The following DOCK4 variants were observed in gnomAD, a reference collection of about 807,000 sequenced individuals.
DOCK4 encodes the protein dedicator of cytokinesis protein 4.
Under a neutral mutation model 268.1 loss-of-function variants are expected in DOCK4, and 97 were observed. That is an observed-to-expected ratio of 0.36 (90% CI 0.31 to 0.43). The LOEUF (loss-of-function observed/expected upper bound fraction) is 0.43. DOCK4 is among the 20% of genes least tolerant of loss of function. The pLI, the probability that DOCK4 is intolerant of heterozygous loss-of-function variation, is 1.00. For synonymous variants in DOCK4, 954 were observed against 887.2 expected (o/e 1.08, Z -1.34); for missense variants, 2,145 against 2,455.7 (o/e 0.87, Z 2.67).
chr7:111,834,626 G>T lies in DOCK4; in HGVS notation c.2797C>A (p.Gln933Lys). Residue 933 changes from glutamine to lysine, a missense_variant, in exon 26 of 53, where the codon CAG (glutamine) becomes AAG (lysine). Gln to Lys is a moderately conservative substitution (Grantham distance 53). This residue lies in a region of DOCK4 where 1,598 missense variants were observed against 1,986.7 expected (regional missense o/e 0.80). Coordinates refer to ENST00000428084, the MANE Select transcript of DOCK4 (RefSeq NM_001363540.2). ...TTTGTATTAAAACTATCAAGAAGCT[G>T]TTGATAATGTCTATCTGTCATTTGT... ...LRQMTDRHYQ[Q>K]LLDSFNTKEE... The T allele has an allele frequency of 6.4e-7, 1 of 1,558,816 alleles. No individual in the cohort carries two copies. The highest frequency in any genetic ancestry group is 8.7e-7 in the Non-Finnish European group (1 of 1,150,608).
Position 111,911,428 on chromosome 7 carries a change from C to T in DOCK4, c.1192+4351G>A, listed in dbSNP as rs1792090996. Among the ~76,000 whole-genome samples, 4 of 152,038 alleles carry T rather than the reference C, an allele frequency of 2.6e-5. No homozygotes were observed. The South Asian group carries it at 6.2e-4, about 24-fold the overall frequency. On this transcript the variant is annotated intron_variant, in intron 13 of 52. Transcript: ENST00000428084. ...TTTCAGTTGTTTAAGGAAATACACA[C>T]ATCTCTCCCTTTTCTATTATGGAAG... is the stretch of plus-strand genomic sequence containing the variant.
At chr7:112,155,639 C>T (rs143866344) in intron 1 of DOCK4, among the ~76,000 whole-genome samples, 250 of 152,276 alleles carry the variant, frequency 1.6e-3, no homozygotes, top group African/African-American at 5.8e-3. Context: ...TCTTCCCCTC[C>T]TTCAGTTAGG....
At chr7:111,961,380 G>A (rs1315286086) in intron 8 of DOCK4, among the ~76,000 whole-genome samples, 2 of 152,114 alleles carry the variant, frequency 1.3e-5, no homozygotes, top group East Asian at 3.9e-4. Context: ...ACACTCAAAG[G>A]GTCTCGGACA....
intron 1 of DOCK4, among the ~76,000 whole-genome samples, chr7:112,016,792 A>C (rs1801846998): frequency 6.6e-6 from 1 of 152,332 alleles, no homozygotes; most frequent in African/African-American, 2.4e-5. Flanking sequence ...GTGAAATTTC[A>C]AGTGTTTCAG....
chr7:112,103,534 G>A (rs1057316453), intron 1 of DOCK4, among the ~76,000 whole-genome samples: 2 of 152,232 alleles, frequency 1.3e-5, no homozygotes, highest in African/African-American at 4.8e-5. Flanking sequence ...AAAATCAAAG[G>A]TTCTGTCTTG....
intron 1 of DOCK4, among the ~76,000 whole-genome samples, chr7:112,081,166 G>A (rs1342239369): frequency 1.3e-5 from 2 of 152,050 alleles, no homozygotes; most frequent in Non-Finnish European, 2.9e-5. Flanking sequence ...ATCGAAACAG[G>A]AAGAAGGAAC....
chr7:112,018,218 G>C (rs1802027790), intron 1 of DOCK4, among the ~76,000 whole-genome samples: 1 of 138,632 alleles, frequency 7.2e-6, no homozygotes, highest in Middle Eastern at 4.2e-3. Flanking sequence ...ATGTTATCTA[G>C]GAAACTAATA....
intron 1 of DOCK4, among the ~76,000 whole-genome samples, chr7:112,140,289 A>AC (rs1277836939): frequency 3.3e-5 from 5 of 151,418 alleles, no homozygotes; most frequent in African/African-American, 1.2e-4. Flanking sequence ...GGAGCCCCCA[A>AC]CCCCCACCTG....
At chr7:112,034,256 C>G (rs576993718) in intron 1 of DOCK4, among the ~76,000 whole-genome samples, 4 of 152,230 alleles carry the variant, frequency 2.6e-5, no homozygotes, top group African/African-American at 9.6e-5. Context: ...TTTTAAATAT[C>G]TTTTTAAAGG....
At chr7:112,097,573 GTT>G (rs1164950455) in intron 1 of DOCK4, among the ~76,000 whole-genome samples, 1 of 152,152 alleles carries the variant, frequency 6.6e-6, no homozygotes, top group East Asian at 1.9e-4. Context: ...AAAGACTCAG[GTT>G]GTTCCATGGG....
intron 40 of DOCK4, among the ~76,000 whole-genome samples, chr7:111,759,160 C>T (rs1235842694): frequency 6.6e-6 from 1 of 152,162 alleles, no homozygotes; most frequent in African/African-American, 2.4e-5. Flanking sequence ...GTTCATGAGA[C>T]ATCTATTAGT....
At chr7:112,029,892 G>C (rs1478874057) in intron 1 of DOCK4, among the ~76,000 whole-genome samples, 1 of 152,162 alleles carries the variant, frequency 6.6e-6, no homozygotes, top group Non-Finnish European at 1.5e-5. Flanking sequence ...GAATATTCAT[G>C]ACAATTAAAT....
At chr7:111,815,890 C>T (rs182789033) in intron 27 of DOCK4, among the ~76,000 whole-genome samples, 2 of 152,146 alleles carry the variant, frequency 1.3e-5, no homozygotes, top group African/African-American at 2.4e-5. Context: ...AGGCTGGTCT[C>T]GAACTCCTGA....
At chr7:112,038,150 T>G (rs1201746559) in intron 1 of DOCK4, among the ~76,000 whole-genome samples, 1 of 152,248 alleles carries the variant, frequency 6.6e-6, no homozygotes, top group Non-Finnish European at 1.5e-5. Flanking sequence ...GGCTGATATT[T>G]CCCAGATCAT....
chr7:111,860,308 T>G (rs1000333003), intron 23 of DOCK4, among the ~76,000 whole-genome samples: 1 of 152,210 alleles, frequency 6.6e-6, no homozygotes, highest in African/African-American at 2.4e-5. Flanking sequence ...CAGAAGGTAC[T>G]CTGAGCCCTG....
At chr7:112,151,562 A>G (rs910529451) in intron 1 of DOCK4, among the ~76,000 whole-genome samples, 2 of 152,146 alleles carry the variant, frequency 1.3e-5, no homozygotes, top group Non-Finnish European at 2.9e-5. Flanking sequence ...GCTCGTCACC[A>G]GTAAGCATCT....
At chr7:111,931,138 G>T (rs1240024365) in intron 12 of DOCK4, among the ~76,000 whole-genome samples, 1 of 152,144 alleles carries the variant, frequency 6.6e-6, no homozygotes, top group Non-Finnish European at 1.5e-5. Context: ...GGACAGCGGA[G>T]CAGACAGGGC....
intron 1 of DOCK4, among the ~76,000 whole-genome samples, chr7:112,009,389 C>T (rs1032580270): frequency 1.3e-5 from 2 of 152,154 alleles, no homozygotes; most frequent in African/African-American, 4.8e-5. Context: ...TGAGGCTAGC[C>T]CACAGAATCC....
In DOCK4 at chr7:111,784,136, G is replaced by A. The variant is rs1319246774; in HGVS notation, c.3402-13C>T. ...AAATAGTGGAATTCTAATCCAGGAAGCATTGACAAAGCAAATTGATTTTCA... is the reference window on the plus strand; with the variant it reads ...AAATAGTGGAATTCTAATCCAGGAAACATTGACAAAGCAAATTGATTTTCA... On this transcript the variant is annotated splice_polypyrimidine_tract_variant and intron_variant, in intron 32 of 52. Transcript: ENST00000428084. 6.4e-7 allele frequency: 1 copy of A among 1,571,070 alleles called. No individual in the cohort carries two copies. Among genetic ancestry groups the A allele is most frequent in the Non-Finnish European group, 8.6e-7 (1 of 1,163,976 alleles).
Sources: allele counts gnomAD v4.1 joint callset (sites outside exome capture counted in the v4.1 genomes callset), GRCh38; gene constraint gnomAD v4.1.1; regional missense constraint gnomAD v4.1.1; transcripts MANE v1.5; gene names NCBI Gene and HGNC (gene_info 2026-07-23, HGNC 2026-07-21).